The following DMD variants were observed in gnomAD, a reference collection of about 807,000 sequenced individuals.
DMD encodes the protein mutant dystrophin.
In DMD, 63 loss-of-function variants were observed where a neutral mutation model predicts 330.1. That is an observed-to-expected ratio of 0.19 (90% CI 0.16 to 0.24). The LOEUF (loss-of-function observed/expected upper bound fraction) is 0.24. DMD is among the 10% of genes least tolerant of loss of function. The probability of loss-of-function intolerance (pLI) is 1.00; values close to 1 mark genes in which losing one functional copy is unlikely to be tolerated. For synonymous variants in DMD, 1,223 were observed against 959.8 expected, an observed-to-expected ratio of 1.27 and a Z score of -5.07; for missense variants, 3,344 against 2,684.1, an observed-to-expected ratio of 1.25 and a Z score of -5.43.
intron 55 of DMD, among the ~76,000 whole-genome samples, chrX:31,614,104 A>AT (rs2148321987): frequency 8.9e-6 from 1 of 112,433 alleles, no homozygotes; most frequent in Non-Finnish European, 1.9e-5. Context: ...TTGCACAGCC[A>AT]TTTTCCAAAT....
chrX:32,013,549 C>T (rs1055182729), intron 44 of DMD, among the ~76,000 whole-genome samples: 10 of 111,940 alleles, frequency 8.9e-5, no homozygotes, highest in Non-Finnish European at 1.9e-4. Flanking sequence ...TTTGTATACC[C>T]CACATGGCCT....
intron 1 of DMD, among the ~76,000 whole-genome samples, chrX:33,062,637 T>C (rs1376737500): frequency 9.0e-6 from 1 of 111,363 alleles, no homozygotes; most frequent in African/African-American, 3.3e-5. Context: ...CCACTACGCC[T>C]GGCTGGTTTT....
intron 30 of DMD, among the ~76,000 whole-genome samples, 161 bp downstream of exon 30, chrX:32,411,591 T>C (rs1446193954): frequency 8.9e-6 from 1 of 111,791 alleles, no homozygotes; most frequent in Non-Finnish European, 1.9e-5. Flanking sequence ...ACTAATGATC[T>C]AGACCCCCTT....
At chrX:32,602,304 T>C (rs2056289502) in intron 12 of DMD, among the ~76,000 whole-genome samples, 1 of 109,839 alleles carries the variant, frequency 9.1e-6, no homozygotes, top group South Asian at 3.8e-4. Context: ...CTTTCTACAA[T>C]CCATGCATGC....
intron 11 of DMD, among the ~76,000 whole-genome samples, chrX:32,619,468 A>T (rs2057830121): frequency 8.9e-6 from 1 of 112,083 alleles, no homozygotes; most frequent in South Asian, 3.7e-4. Context: ...CCACCATAAA[A>T]ATGATAAATA....
chrX:33,041,535 T>C (rs1162355489), intron 1 of DMD: 43 of 1,205,601 alleles, frequency 3.6e-5, no homozygotes, highest in Non-Finnish European at 4.6e-5. Context: ...ATGGTGAAAA[T>C]TATGACATCA....
intron 13 of DMD, among the ~76,000 whole-genome samples, chrX:32,593,994 T>C (rs946764254): frequency 1.8e-5 from 2 of 112,157 alleles, no homozygotes; most frequent in African/African-American, 6.5e-5. Flanking sequence ...ATATTACACT[T>C]CATAAGCTAT....
intron 44 of DMD, among the ~76,000 whole-genome samples, chrX:32,044,371 TA>T (rs1427064032): frequency 3.8e-4 from 41 of 106,758 alleles, no homozygotes; most frequent in East Asian, 8.8e-4. Flanking sequence ...AACAGCCTAT[TA>T]AAAAAAAAAC....
At chrX:32,618,949 C>A (rs755998356) in intron 11 of DMD, among the ~76,000 whole-genome samples, 2 of 111,091 alleles carry the variant, frequency 1.8e-5, no homozygotes, top group African/African-American at 6.5e-5. Flanking sequence ...GATACAAAAT[C>A]CCACTATGAA....
intron 21 of DMD, among the ~76,000 whole-genome samples, chrX:32,477,144 TA>T (rs1391917655): frequency 1.8e-5 from 2 of 111,255 alleles, no homozygotes. Context: ...AGGACCACTT[TA>T]AAAATGCAGA....
chrX:32,572,937 G>T (rs948599471), intron 15 of DMD, among the ~76,000 whole-genome samples: 3 of 110,752 alleles, frequency 2.7e-5, no homozygotes, highest in African/African-American at 9.8e-5. Context: ...TATCTCTTTT[G>T]TTTCCACTCT....
chrX:32,534,914 G>T (rs1484391469), intron 17 of DMD, among the ~76,000 whole-genome samples: 2 of 110,975 alleles, frequency 1.8e-5, no homozygotes, highest in African/African-American at 3.3e-5. Flanking sequence ...GTGTTCATTT[G>T]TAAAGAGACA....
chrX:32,386,411 T>A lies in DMD; in HGVS notation c.4573A>T (p.Thr1525Ser), dbSNP rs751320057. The change falls in exon 33 of 79, where the codon ACT becomes TCT. Residue 1525 changes from threonine (T) to serine (S), a missense_variant. Coordinates refer to ENST00000357033, the MANE Select transcript of DMD (RefSeq NM_004006.3). ...VKSEVEMVIK[T>S]GRQIVQKKQT... Reference sequence around the variant, plus strand: ...TTTTTCTGTACAATCTGACGTCCAGTCTTTATCACCATTTCCACTTCAGAC... The same window carrying A: ...TTTTTCTGTACAATCTGACGTCCAGACTTTATCACCATTTCCACTTCAGAC... 1 of 1,208,405 alleles carries A rather than the reference T, an allele frequency of 8.3e-7. No individual in the cohort carries two copies. The highest frequency in any genetic ancestry group is 3.0e-5 in the East Asian group (1 of 33,738).
At chrX:32,005,790 T>C (rs781648647) in intron 44 of DMD, among the ~76,000 whole-genome samples, 29 of 111,914 alleles carry the variant, frequency 2.6e-4, no homozygotes, top group Non-Finnish European at 4.9e-4. Context: ...ATATCATTAT[T>C]GTCAAACTTG....
chrX:32,407,235 G>A (rs2098121544), intron 30 of DMD, among the ~76,000 whole-genome samples: 1 of 111,284 alleles, frequency 9.0e-6, no homozygotes, highest in Non-Finnish European at 1.9e-5. Flanking sequence ...CTCTGACAAA[G>A]GGCTAATATC....
At chrX:33,215,012 G>T (rs1268048906), upstream of DMD, among the ~76,000 whole-genome samples, 3 of 111,964 alleles carry the variant, frequency 2.7e-5, no homozygotes, top group East Asian at 2.8e-4. Context: ...TTATATGCTT[G>T]TTGGCCGCTT....
intron 1 of DMD, among the ~76,000 whole-genome samples, chrX:33,034,905 A>G (rs2094178946): frequency 8.9e-6 from 1 of 112,219 alleles, no homozygotes; most frequent in African/African-American, 3.2e-5. Context: ...TTTATATGGC[A>G]TAGAAAGTGT....
At chrX:31,977,218 G>A (rs1300551068) in intron 44 of DMD, among the ~76,000 whole-genome samples, 1 of 112,041 alleles carries the variant, frequency 8.9e-6, no homozygotes, top group Non-Finnish European at 1.9e-5. Flanking sequence ...TTGATAAATT[G>A]AGCAGAAAAC....
At chrX:32,199,208 G>C in intron 44 of DMD, among the ~76,000 whole-genome samples, 1 of 111,612 alleles carries the variant, frequency 9.0e-6, no homozygotes, top group East Asian at 2.8e-4. Context: ...ACTATAATTT[G>C]AACATTGATT....
Sources: gnomAD v4.1 joint callset for allele counts (sites outside exome capture counted in the v4.1 genomes callset) on GRCh38, gnomAD v4.1.1 for gene constraint, MANE v1.5 for transcripts, NCBI Gene and HGNC (gene_info 2026-07-23, HGNC 2026-07-21) for gene names.